Variants in CYTH3 observed in about 807,000 individuals in gnomAD.
CYTH3 encodes cytohesin-3.
In CYTH3, 23 loss-of-function variants were observed where a neutral mutation model predicts 55.1. The observed-to-expected ratio is 0.42, with a 90% CI of 0.30 to 0.59. The LOEUF (loss-of-function observed/expected upper bound fraction) is 0.59, where lower values mean the gene tolerates loss of function less well. Among genes scored for constraint, CYTH3 ranks in the 20% least tolerant of loss-of-function variants. The pLI, the probability that CYTH3 is intolerant of heterozygous loss-of-function variation, is 0.20. For missense variants in CYTH3, 413 were observed against 524.8 expected, an observed-to-expected ratio of 0.79 and a Z score of 2.08; for synonymous variants, 249 against 194.9, an observed-to-expected ratio of 1.28 and a Z score of -2.31.
intron 1 of CYTH3, among the ~76,000 whole-genome samples, chr7:6,259,770 TATTATATATATATAATATATATATATATA>T (rs1562417492): frequency 5.3e-4 from 12 of 22,680 alleles, no homozygotes; most frequent in Admixed American, 8.1e-4. Flanking sequence ...TATATATATA[TATTATATATATATAATATATATATATATA>T]TATATATATA....
At chr7:6,177,127 T>C (rs1164904862) in intron 5 of CYTH3, among the ~76,000 whole-genome samples, 1 of 152,246 alleles carries the variant, frequency 6.6e-6, no homozygotes, top group East Asian at 1.9e-4. Context: ...GGGTCTGCCA[T>C]TTTCTAGCGG....
chr7:6,229,073 G>T (rs143705215), intron 1 of CYTH3, among the ~76,000 whole-genome samples: 5 of 152,286 alleles, frequency 3.3e-5, no homozygotes, highest in African/African-American at 9.6e-5. Context: ...TTTAACAGCT[G>T]TCTAGCAACA....
chr7:6,234,513 C>A (rs1428658231), intron 1 of CYTH3, among the ~76,000 whole-genome samples: 1 of 152,172 alleles, frequency 6.6e-6, no homozygotes, highest in Non-Finnish European at 1.5e-5. Flanking sequence ...CATCAAAAGC[C>A]CCATAGAGGA....
At chr7:6,216,878 G>C (rs202143654) in intron 1 of CYTH3, among the ~76,000 whole-genome samples, 1 of 124,476 alleles carries the variant, frequency 8.0e-6, no homozygotes, top group Admixed American at 7.8e-5. Context: ...AAAAAAAAAA[G>C]AAATGGCAGA....
intron 1 of CYTH3, among the ~76,000 whole-genome samples, chr7:6,210,182 G>A (rs1186707347): frequency 6.6e-6 from 1 of 151,862 alleles, no homozygotes; most frequent in African/African-American, 2.4e-5. Flanking sequence ...GTTAATAACA[G>A]AAAAACTATG....
intron 1 of CYTH3, among the ~76,000 whole-genome samples, chr7:6,269,865 A>C (rs61446642): frequency 2.6e-5 from 4 of 152,226 alleles, no homozygotes; most frequent in African/African-American, 9.7e-5. Flanking sequence ...TAACCTGACC[A>C]TTAACAAAAA....
chr7:6,189,030 C>T (rs1215829394), intron 2 of CYTH3: 1 of 152,186 alleles, frequency 6.6e-6, no homozygotes, highest in Admixed American at 6.5e-5. Context: ...CTGTCCTTGC[C>T]GTGGCCTGTG....
intron 1 of CYTH3, among the ~76,000 whole-genome samples, chr7:6,239,373 C>A (rs1779614605): frequency 6.6e-6 from 1 of 152,312 alleles, no homozygotes; most frequent in East Asian, 1.9e-4. Context: ...CTTTAGCCAA[C>A]ATATAAGTTC....
At chr7:6,208,256 T>C (rs1784241433) in intron 1 of CYTH3, among the ~76,000 whole-genome samples, 1 of 152,206 alleles carries the variant, frequency 6.6e-6, no homozygotes, top group Non-Finnish European at 1.5e-5. Flanking sequence ...TTACATGGTG[T>C]TACATGTAAA....
intron 4 of CYTH3, among the ~76,000 whole-genome samples, chr7:6,184,355 T>C (rs1783585766): frequency 6.7e-6 from 1 of 149,268 alleles, no homozygotes; most frequent in Non-Finnish European, 1.5e-5. Flanking sequence ...CCACCGCGCC[T>C]GGCCCCCTCT....
intron 1 of CYTH3, among the ~76,000 whole-genome samples, chr7:6,191,072 G>C (rs1394118100): frequency 2.7e-5 from 4 of 150,094 alleles, no homozygotes; most frequent in Non-Finnish European, 4.4e-5. Flanking sequence ...GGGAGATTCT[G>C]TTTCGGGAAA....
chr7:6,251,859 C>T (rs1779980420), intron 1 of CYTH3, among the ~76,000 whole-genome samples: 1 of 151,996 alleles, frequency 6.6e-6, no homozygotes, highest in African/African-American at 2.4e-5. Context: ...TTTAATAGTC[C>T]CCAAACAGGA....
At chr7:6,189,545 G>C (rs532244394) in intron 2 of CYTH3, among the ~76,000 whole-genome samples, 1 of 152,106 alleles carries the variant, frequency 6.6e-6, no homozygotes, top group South Asian at 2.1e-4. Context: ...CTGGGCTCAA[G>C]AGATCCTCCT....
At chr7:6,261,723 G>A (rs938859553) in intron 1 of CYTH3, among the ~76,000 whole-genome samples, 11 of 140,948 alleles carry the variant, frequency 7.8e-5, no homozygotes, top group Admixed American at 5.7e-4. Context: ...AAAGGGCAAA[G>A]TGATATTCCC....
At chr7:6,261,916 C>T (rs1165673544) in intron 1 of CYTH3, among the ~76,000 whole-genome samples, 2 of 151,906 alleles carry the variant, frequency 1.3e-5, no homozygotes, top group Non-Finnish European at 2.9e-5. Flanking sequence ...ACAAGGCATC[C>T]AAATATCGGA....
chr7:6,185,957 C>T (rs982082566), intron 4 of CYTH3, among the ~76,000 whole-genome samples: 1 of 151,368 alleles, frequency 6.6e-6, no homozygotes, highest in Non-Finnish European at 1.5e-5. Flanking sequence ...AAGTACAGAC[C>T]GACTGGGCCA....
intron 1 of CYTH3, among the ~76,000 whole-genome samples, chr7:6,224,921 T>C (rs1027010419): frequency 7.9e-5 from 12 of 152,158 alleles, no homozygotes; most frequent in African/African-American, 2.4e-4. Context: ...GAAAACGTTA[T>C]GTGAAGTAAA....
chr7:6,205,870 T>C (rs1784173763), intron 1 of CYTH3, among the ~76,000 whole-genome samples: 2 of 88,042 alleles, frequency 2.3e-5, no homozygotes, highest in African/African-American at 1.2e-4. Context: ...CAAGGTCCTA[T>C]CTCTTAAAAA....
At chr7:6,185,267 G>A (rs1049695574) in intron 4 of CYTH3, among the ~76,000 whole-genome samples, 1 of 152,210 alleles carries the variant, frequency 6.6e-6, no homozygotes, top group Non-Finnish European at 1.5e-5. Context: ...CCTCCTCTGG[G>A]TGCAGATGTG....
Sources: gnomAD v4.1 joint callset for allele counts (sites outside exome capture counted in the v4.1 genomes callset) on GRCh38, gnomAD v4.1.1 for gene constraint, MANE v1.5 for transcripts, NCBI Gene and HGNC (gene_info 2026-07-23, HGNC 2026-07-21) for gene names.